Variants in LRRIQ1 observed in about 807,000 individuals in gnomAD.
LRRIQ1 encodes leucine rich repeats and IQ motif containing 1.
A neutral mutation model predicts 211.9 loss-of-function variants in LRRIQ1; 210 were observed. The observed-to-expected ratio is 0.99, with a 90% confidence interval of 0.89 to 1.11. LRRIQ1 has a LOEUF of 1.11. Ranked by LOEUF, LRRIQ1 falls within the 50% of genes most tolerant of loss-of-function variation. The probability of loss-of-function intolerance (pLI) is 0.00; values close to 1 mark genes in which losing one functional copy is unlikely to be tolerated. For synonymous variants in LRRIQ1, 699 were observed against 650.1 expected (o/e 1.08, Z -1.14); for missense variants, 2,136 against 1,939.5 (o/e 1.10, Z -1.90).
intron 11 of LRRIQ1, among the ~76,000 whole-genome samples, chr12:85,087,505 T>G (rs1237774528): frequency 6.6e-6 from 1 of 152,234 alleles, no homozygotes; most frequent in Admixed American, 6.5e-5. Context: ...TCTAAATCCT[T>G]GAGGAATCAC....
intron 2 of LRRIQ1, among the ~76,000 whole-genome samples, chr12:85,040,241 C>T (rs537876351): frequency 6.6e-6 from 1 of 151,614 alleles, no homozygotes; most frequent in African/African-American, 2.4e-5. Flanking sequence ...ATAAAGTTAA[C>T]GAAAGTGATG....
At chr12:85,162,108 A>T (rs530593337) in intron 24 of LRRIQ1, among the ~76,000 whole-genome samples, 1 of 152,206 alleles carries the variant, frequency 6.6e-6, no homozygotes, top group African/African-American at 2.4e-5. Flanking sequence ...AATTATTTTG[A>T]AATTGTTGGA....
chr12:85,236,793 G>GTA (rs1387112708), intron 26 of LRRIQ1, among the ~76,000 whole-genome samples: 2 of 134,204 alleles, frequency 1.5e-5, no homozygotes, highest in East Asian at 2.1e-4. Context: ...TCTTTTTGAT[G>GTA]TATATATATT....
intron 14 of LRRIQ1, among the ~76,000 whole-genome samples, chr12:85,105,610 T>G (rs2136317500): frequency 6.7e-6 from 1 of 150,088 alleles, no homozygotes; most frequent in South Asian, 2.1e-4. Context: ...ACATTGTAGA[T>G]AATTCTACAT....
Position 85,137,429 on chromosome 12 carries a change from C to G in LRRIQ1, c.4210-421C>G, listed in dbSNP as rs371227619. On this transcript the variant is annotated intron_variant, in intron 18 of 26. Transcript: ENST00000393217. Reference sequence around the variant, plus strand: ...ATTCATCATTATAGGCCATAATACTCCCTGTATAATATGGCCATTTATATA... The same window carrying G: ...ATTCATCATTATAGGCCATAATACTGCCTGTATAATATGGCCATTTATATA... Among the ~76,000 whole-genome samples the G allele has an allele frequency of 5.3e-5, 8 of 151,500 alleles. No homozygotes were observed. In the East Asian group the frequency reaches 5.9e-4, roughly 11 times the overall value.
intron 24 of LRRIQ1, among the ~76,000 whole-genome samples, chr12:85,190,131 T>C (rs1222708527): frequency 7.0e-6 from 1 of 142,652 alleles, no homozygotes; most frequent in Non-Finnish European, 1.5e-5. Flanking sequence ...ATAATTATAT[T>C]ATATTTATAT....
chr12:85,095,428 A>G lies in LRRIQ1; in HGVS notation c.2888-2927A>G, dbSNP rs556398763. On this transcript the variant is annotated intron_variant, in intron 11 of 26. Coordinates refer to ENST00000393217, the MANE Select transcript of LRRIQ1 (RefSeq NM_001079910.2). ...TGGTGAATTACATTTATTGATTTGC[A>G]TGTATTAAAACAGTCTGGCATCCCA... is the stretch of plus-strand genomic sequence containing the variant. Among the ~76,000 whole-genome samples, 11 of 152,254 alleles carry G rather than the reference A, an allele frequency of 7.2e-5. No individual in the cohort carries two copies. In the South Asian group the frequency reaches 2.1e-3, roughly 29 times the overall value.
intron 24 of LRRIQ1, among the ~76,000 whole-genome samples, chr12:85,185,699 T>C (rs1592937470): frequency 6.6e-6 from 1 of 151,994 alleles, no homozygotes; most frequent in Admixed American, 6.6e-5. Context: ...TGTTAAAGTG[T>C]GAACTAATAT....
chr12:85,188,917 G>A (rs1038823958), intron 24 of LRRIQ1, among the ~76,000 whole-genome samples: 8 of 151,948 alleles, frequency 5.3e-5, no homozygotes, highest in East Asian at 3.9e-4. Flanking sequence ...ATTATGATCC[G>A]CAGGTTTTAT....
chr12:85,171,645 A>G (rs868136922), intron 24 of LRRIQ1, among the ~76,000 whole-genome samples: 5 of 152,204 alleles, frequency 3.3e-5, no homozygotes, highest in Admixed American at 6.5e-5. Flanking sequence ...TTGATGTCCA[A>G]TTTGACTGTA....
At chr12:85,152,817 T>C (rs1247611774) in intron 20 of LRRIQ1, among the ~76,000 whole-genome samples, 3 of 151,618 alleles carry the variant, frequency 2.0e-5, no homozygotes, top group African/African-American at 7.3e-5. Context: ...TCATTTTCTA[T>C]GTGAGAGCTA....
chr12:85,202,482 A>G (rs1201378786), intron 24 of LRRIQ1, among the ~76,000 whole-genome samples: 1 of 152,174 alleles, frequency 6.6e-6, no homozygotes, highest in African/African-American at 2.4e-5. Context: ...GTGTGCATAT[A>G]TATTTAGGAT....
intron 15 of LRRIQ1, among the ~76,000 whole-genome samples, chr12:85,110,598 C>T (rs1887104513): frequency 6.6e-6 from 1 of 151,996 alleles, no homozygotes; most frequent in African/African-American, 2.4e-5. Flanking sequence ...TTATTGTAGG[C>T]AACATATAAG....
chr12:85,250,982 A>G (rs1329646103), intron 1 of LRRIQ1, among the ~76,000 whole-genome samples: 3 of 120,154 alleles, frequency 2.5e-5, no homozygotes, highest in Non-Finnish European at 3.3e-5. Flanking sequence ...TATATTATAG[A>G]TTATATATTA....
At chr12:85,118,810 C>T (rs981808136) in intron 15 of LRRIQ1, among the ~76,000 whole-genome samples, 5 of 152,026 alleles carry the variant, frequency 3.3e-5, no homozygotes, top group Non-Finnish European at 5.9e-5. Flanking sequence ...CTCGCTTTGT[C>T]ATTCTTCATT....
At position 85,102,493 on chromosome 12, in the gene LRRIQ1, G is replaced by A. The variant is rs183290164; in HGVS notation, c.3210-1511G>A. Among the ~76,000 whole-genome samples, 243 of 151,790 alleles carry A rather than the reference G, an allele frequency of 1.6e-3. 5 individuals carry two copies. The East Asian group carries it at 0.038, about 24-fold the overall frequency. On this transcript the variant is annotated intron_variant, in intron 13 of 26. Transcript: ENST00000393217. ...GAATGTAATATTGTATTTAGGATTG[G>A]CAACATGCAGAGAAATGTTCTCCCA...
At chr12:85,257,091 A>G (rs1384208830) in intron 1 of LRRIQ1, among the ~76,000 whole-genome samples, 1 of 108,246 alleles carries the variant, frequency 9.2e-6, no homozygotes, top group Non-Finnish European at 1.8e-5. Context: ...TAATTATATT[A>G]TATAATTATA....
At chr12:85,168,742 G>A (rs1891271696) in intron 24 of LRRIQ1, among the ~76,000 whole-genome samples, 1 of 152,138 alleles carries the variant, frequency 6.6e-6, no homozygotes. Context: ...GGCCTGCAAA[G>A]TATTGTCACC....
exon 2 of LRRIQ1, chr12:85,264,367 T>C (rs947557904): frequency 8.5e-5 from 13 of 152,050 alleles, no homozygotes; most frequent in Non-Finnish European, 1.2e-4. Context: ...AATTGTTTCA[T>C]AATATTAACT....
Sources: gnomAD v4.1 joint callset for allele counts (sites outside exome capture counted in the v4.1 genomes callset) on GRCh38, gnomAD v4.1.1 for gene constraint, MANE v1.5 for transcripts, NCBI Gene and HGNC (gene_info 2026-07-23, HGNC 2026-07-21) for gene names.